The following RYR2 variants were observed in gnomAD, a reference collection of about 807,000 sequenced individuals.
RYR2 encodes the protein ryanodine receptor 2.
A neutral mutation model predicts 601.1 loss-of-function variants in RYR2; 227 were observed. The observed-to-expected ratio is 0.38, with a 90% CI of 0.34 to 0.42. The LOEUF (loss-of-function observed/expected upper bound fraction) is 0.42. RYR2 is among the 10% of genes least tolerant of loss of function. RYR2 has a pLI of 1.00. For missense variants in RYR2, 4,646 were observed against 6,156.5 expected, an observed-to-expected ratio of 0.75 and a Z score of 8.21; for synonymous variants, 2,223 against 2,175.1, an observed-to-expected ratio of 1.02 and a Z score of -0.61.
chr1:237,362,171 A>C (rs1176228375), intron 4 of RYR2, among the ~76,000 whole-genome samples: 1 of 152,184 alleles, frequency 6.6e-6, no homozygotes, highest in African/African-American at 2.4e-5. Context: ...TGAGTTACTG[A>C]CATCTGCAGT....
chr1:237,568,277 A>G (rs1278794779), intron 28 of RYR2, among the ~76,000 whole-genome samples: 1 of 152,198 alleles, frequency 6.6e-6, no homozygotes, highest in Non-Finnish European at 1.5e-5. Flanking sequence ...TGTTATATTA[A>G]GAAGAATTAT....
intron 96 of RYR2, among the ~76,000 whole-genome samples, chr1:237,796,789 C>CT (rs1460037449): frequency 3.3e-5 from 5 of 151,632 alleles, no homozygotes; most frequent in Admixed American, 2.6e-4. Flanking sequence ...CCTCCATTTT[C>CT]TTTTTTTGTT....
intron 63 of RYR2, among the ~76,000 whole-genome samples, chr1:237,689,267 C>T (rs1315281402): frequency 6.6e-6 from 1 of 152,090 alleles, no homozygotes; most frequent in Non-Finnish European, 1.5e-5. Flanking sequence ...AACCCTGTCT[C>T]TAATACAAGC....
chr1:237,171,553 G>A (rs1035691439), intron 1 of RYR2, among the ~76,000 whole-genome samples: 1 of 152,140 alleles, frequency 6.6e-6, no homozygotes, highest in East Asian at 1.9e-4. Context: ...AACCCTCTCA[G>A]CCCAGTGTCT....
At chr1:237,558,514 T>C (rs1037764628) in intron 27 of RYR2, among the ~76,000 whole-genome samples, 7 of 152,208 alleles carry the variant, frequency 4.6e-5, no homozygotes, top group African/African-American at 1.2e-4. Flanking sequence ...GATGAGTTGC[T>C]TCTCTCTTGC....
At chr1:237,716,588 C>A (rs1573646487) in intron 71 of RYR2, among the ~76,000 whole-genome samples, 3 of 152,220 alleles carry the variant, frequency 2.0e-5, no homozygotes, top group East Asian at 1.9e-4. Flanking sequence ...AGTAACATGG[C>A]AGTATTCAGT....
intron 2 of RYR2, among the ~76,000 whole-genome samples, chr1:237,317,056 T>C (rs1004523159): frequency 3.9e-5 from 6 of 152,222 alleles, no homozygotes; most frequent in African/African-American, 7.2e-5. Context: ...AAAAGGCTGA[T>C]GATTGTGCTT....
intron 1 of RYR2, among the ~76,000 whole-genome samples, chr1:237,193,261 C>T (rs551575882): frequency 4.0e-5 from 6 of 151,448 alleles, no homozygotes; most frequent in African/African-American, 7.3e-5. Context: ...GTCAGGAGAT[C>T]GAGACTATCG....
chr1:237,391,696 C>T (rs1020147253), intron 10 of RYR2, among the ~76,000 whole-genome samples: 2 of 152,024 alleles, frequency 1.3e-5, no homozygotes, highest in African/African-American at 2.4e-5. Flanking sequence ...TTTTATGATT[C>T]TGGATATCAG....
intron 27 of RYR2, among the ~76,000 whole-genome samples, chr1:237,565,139 CTT>C (rs778862112): frequency 0.091 from 4,586 of 50,436 alleles, 359 homozygotes; most frequent in Middle Eastern, 0.2. Context: ...TTCTTTCTTT[CTT>C]TTTCTTTCTT....
At chr1:237,289,207 T>A (rs530820105) in intron 2 of RYR2, among the ~76,000 whole-genome samples, 1 of 152,264 alleles carries the variant, frequency 6.6e-6, no homozygotes, top group East Asian at 1.9e-4. Flanking sequence ...GCTCTGTGGA[T>A]CCTCTCGGGA....
intron 2 of RYR2, among the ~76,000 whole-genome samples, chr1:237,308,409 T>G (rs1324792735): frequency 6.6e-6 from 1 of 152,142 alleles, no homozygotes; most frequent in Admixed American, 6.5e-5. Flanking sequence ...TAAACTTGCT[T>G]TTGCTTTGCA....
chr1:237,566,274 T>C (rs958516502), intron 27 of RYR2, among the ~76,000 whole-genome samples: 1 of 152,136 alleles, frequency 6.6e-6, no homozygotes, highest in Non-Finnish European at 1.5e-5. Context: ...GGTTTTGTTC[T>C]ACAGAAAGGT....
At chr1:237,229,974 C>T (rs1055802031) in intron 1 of RYR2, among the ~76,000 whole-genome samples, 4 of 152,100 alleles carry the variant, frequency 2.6e-5, no homozygotes. Flanking sequence ...AGATAGCCCC[C>T]CCTTTTTTTA....
chr1:237,116,873 AG>A (rs769470775), intron 1 of RYR2, among the ~76,000 whole-genome samples: 17 of 152,168 alleles, frequency 1.1e-4, no homozygotes, highest in Non-Finnish European at 1.8e-4. Flanking sequence ...CACCCACATT[AG>A]GTAGGGCAGT....
At chr1:237,643,912 A>C (rs1681851590) in intron 48 of RYR2, among the ~76,000 whole-genome samples, 1 of 151,918 alleles carries the variant, frequency 6.6e-6, no homozygotes, top group African/African-American at 2.4e-5. Context: ...CCGCATCCAG[A>C]CTTTTTTCCA....
chr1:237,611,867 G>A (rs564594314), intron 36 of RYR2, among the ~76,000 whole-genome samples: 1 of 151,990 alleles, frequency 6.6e-6, no homozygotes, highest in Non-Finnish European at 1.5e-5. Context: ...CAGTTTGTCA[G>A]TTCCTCAAAA....
chr1:237,304,256 C>A (rs1693658224), intron 2 of RYR2, among the ~76,000 whole-genome samples: 1 of 152,182 alleles, frequency 6.6e-6, no homozygotes, highest in South Asian at 2.1e-4. Flanking sequence ...GGCTAGAGAT[C>A]AGGAGCCCTA....
intron 25 of RYR2, among the ~76,000 whole-genome samples, chr1:237,537,348 G>T (rs1022098864): frequency 6.6e-6 from 1 of 152,032 alleles, no homozygotes; most frequent in Non-Finnish European, 1.5e-5. Context: ...TTTTTAGATG[G>T]AGTCTTGCTC....
Sources: allele counts gnomAD v4.1 joint callset (sites outside exome capture counted in the v4.1 genomes callset), GRCh38; gene constraint gnomAD v4.1.1; transcripts MANE v1.5; gene names NCBI Gene and HGNC (gene_info 2026-07-23, HGNC 2026-07-21).